The following HERC2 variants were observed in gnomAD, a reference collection of about 807,000 sequenced individuals.
HERC2 encodes E3 ubiquitin-protein ligase HERC2.
A neutral mutation model predicts 537.7 loss-of-function variants in HERC2; 102 were observed. The observed-to-expected ratio is 0.19, with a 90% CI of 0.16 to 0.22. HERC2 has a LOEUF of 0.22. Ranked by LOEUF, HERC2 falls within the 10% of genes least tolerant of loss-of-function variation. The pLI, the probability that HERC2 is intolerant of heterozygous loss-of-function variation, is 1.00. For synonymous variants in HERC2, 2,224 were observed against 2,466.2 expected (o/e 0.90, Z 2.91); for missense variants, 4,236 against 6,198.2 (o/e 0.68, Z 10.63).
At chr15:28,251,424 C>T (rs1173947791) in intron 20 of HERC2, among the ~76,000 whole-genome samples, 1 of 149,076 alleles carries the variant, frequency 6.7e-6, no homozygotes, top group African/African-American at 2.5e-5. Flanking sequence ...GTCTGGGCAA[C>T]AGAGTGAGGC....
Position 28,265,789 on chromosome 15 carries a change from T to A in HERC2, c.1756+28A>T. On this transcript the variant is annotated intron_variant, in intron 13 of 92. Coordinates refer to ENST00000261609, the MANE Select transcript of HERC2 (RefSeq NM_004667.6). The surrounding 1 kb of genome is among the most constrained non-coding windows in gnomAD (Gnocchi z 4.0). The stretch of plus-strand genomic sequence containing the variant: ...CTGTAAGAGGCCACCTCCTGCTGCA[T>A]GCTCCCACTCATGCAGAGCAGACGT... 2 of 1,614,150 alleles carry A rather than the reference T, an allele frequency of 1.2e-6. No homozygotes were observed. The highest frequency in any genetic ancestry group is 1.7e-6 in the Non-Finnish European group (2 of 1,179,998).
At chr15:28,232,462 T>C (rs1280477577) in intron 30 of HERC2, among the ~76,000 whole-genome samples, 1 of 151,364 alleles carries the variant, frequency 6.6e-6, no homozygotes, top group Non-Finnish European at 1.5e-5. Flanking sequence ...GGCAGGGGAA[T>C]CGTTTGAACC....
In HERC2 at chr15:28,192,150, A is replaced by G. The variant is rs769824672; in HGVS notation, c.8262T>C (p.Gly2754=). 6.2e-7 allele frequency: 1 copy of G among 1,609,622 alleles called. No homozygotes were observed. ...RHTFGRINEP[G]QSAVFCGRSG... ...AACGGCCACAAAATACCGCAGACTG[A>G]CCTATTTCGTGATAGTCAAAAAGAG... Residue 2754 remains glycine (G), a splice_region_variant and synonymous_variant, in exon 53 of 93, where the codon GGT becomes GGC. Coordinates refer to ENST00000261609, the MANE Select transcript of HERC2 (RefSeq NM_004667.6).
rs758266870 is a variant in HERC2 at position 28,144,808 on chromosome 15, C to G, written c.11009-4G>C. ...GACCAGTCGGACCACTCTCGGCCTG[C>G]GGGAGGAAAGCGCACCCCGGGGTTA... is the stretch of plus-strand genomic sequence containing the variant. On this transcript the variant is annotated splice_region_variant and splice_polypyrimidine_tract_variant and intron_variant, in intron 71 of 92. Coordinates refer to ENST00000261609, the MANE Select transcript of HERC2 (RefSeq NM_004667.6). The G allele has an allele frequency of 6.2e-7, 1 of 1,614,094 alleles. No individual in the cohort carries two copies. Among genetic ancestry groups the G allele is most frequent in the South Asian group, 1.1e-5 (1 of 91,078 alleles).
chr15:28,232,970 T>G (rs1902037138), intron 30 of HERC2, among the ~76,000 whole-genome samples, 176 bp downstream of exon 30: 1 of 152,248 alleles, frequency 6.6e-6, no homozygotes, highest in East Asian at 1.9e-4. Context: ...GTCTGATTAC[T>G]TGGAAAAACA....
At chr15:28,194,819 A>G (rs999587694) in intron 52 of HERC2, among the ~76,000 whole-genome samples, 3 of 151,946 alleles carry the variant, frequency 2.0e-5, no homozygotes, top group Non-Finnish European at 4.4e-5. Context: ...ACTTTGGGAG[A>G]CTGAGGTGGG....
chr15:28,311,074 C>A, intron 2 of HERC2, among the ~76,000 whole-genome samples: 1 of 13,778 alleles, frequency 7.3e-5, no homozygotes. Context: ...GGGACTGCAT[C>A]TCAAAAAAAA....
chr15:28,218,346 T>G, intron 38 of HERC2, 143 bp downstream of exon 38: 2 of 734,204 alleles, frequency 2.7e-6, no homozygotes, highest in South Asian at 3.3e-5. Flanking sequence ...TTCTACTGTG[T>G]AAGCCCCCAA....
chr15:28,111,865 A>G lies in HERC2; in HGVS notation c.14403T>C (p.Leu4801=). 1.9e-6 allele frequency: 3 copies of G among 1,614,184 alleles called. No homozygotes were observed. Among genetic ancestry groups the G allele is most frequent in the Non-Finnish European group, 2.5e-6 (3 of 1,180,028 alleles). Reference sequence around the variant, plus strand: ...TGTCGTCGGCGGCTGGCTCTCCTGTAAGTGCGATGCGAGCGTAGTCATCTG... The same window carrying G: ...TGTCGTCGGCGGCTGGCTCTCCTGTGAGTGCGATGCGAGCGTAGTCATCTG... The part of the protein sequence containing the change: ...IDTDDYARIA[L]TGEPAADDSS... Residue 4801 remains leucine, a synonymous_variant, in exon 93 of 93, where the codon CTT becomes CTC. Transcript: ENST00000261609.
At chr15:28,275,465 C>T (rs74472794) in intron 5 of HERC2, among the ~76,000 whole-genome samples, 2 of 152,364 alleles carry the variant, frequency 1.3e-5, no homozygotes, top group East Asian at 1.9e-4. Flanking sequence ...TGAAGCCCTG[C>T]GTGCTTGACC....
At chr15:28,251,314 G>A (rs2075071176) in intron 20 of HERC2, among the ~76,000 whole-genome samples, 1 of 151,868 alleles carries the variant, frequency 6.6e-6, no homozygotes, top group South Asian at 2.1e-4. Context: ...ATGGTGGCAT[G>A]CACCTGTAGT....
chr15:28,192,702 C>G (rs1362146117), intron 52 of HERC2, among the ~76,000 whole-genome samples: 1 of 152,192 alleles, frequency 6.6e-6, no homozygotes, highest in African/African-American at 2.4e-5. Flanking sequence ...CAAGATGACG[C>G]ACACCACGGA....
chr15:28,138,088 G>C (rs1295674019), intron 78 of HERC2, among the ~76,000 whole-genome samples: 2 of 152,240 alleles, frequency 1.3e-5, no homozygotes, highest in Non-Finnish European at 2.9e-5. Flanking sequence ...GCTAACAGAG[G>C]TGAGAAGGCT....
intron 10 of HERC2, among the ~76,000 whole-genome samples, chr15:28,269,942 G>A (rs530772585): frequency 6.6e-6 from 1 of 152,330 alleles, no homozygotes; most frequent in South Asian, 2.1e-4. Context: ...AGGCCTTGCA[G>A]CACTATTTGT....
In HERC2 at chr15:28,229,199, C is replaced by T. The variant is rs1438643468; in HGVS notation, c.5268G>A (p.Glu1756=). 1.2e-6 allele frequency: 2 copies of T among 1,611,512 alleles called. No homozygotes were observed. The highest frequency in any genetic ancestry group is 2.2e-5 in the East Asian group (1 of 44,892). Residue 1756 remains glutamate (E), a synonymous_variant, in exon 34 of 93, where the codon GAG becomes GAA. Coordinates refer to ENST00000261609, the MANE Select transcript of HERC2 (RefSeq NM_004667.6). ...VLMDASAKFK[E]LGIQPVPLQT... ...TTGATACAATTATTGACTCACCAAGCTCTTTAAATTTGGCACTGGCATCCA... is the reference window on the plus strand; with the variant it reads ...TTGATACAATTATTGACTCACCAAGTTCTTTAAATTTGGCACTGGCATCCA...
intron 44 of HERC2, among the ~76,000 whole-genome samples, chr15:28,206,649 C>A (rs530100928): frequency 6.6e-6 from 1 of 151,368 alleles, no homozygotes; most frequent in East Asian, 1.9e-4. Context: ...CTGGGTAACA[C>A]GGTGAAACCC....
intron 44 of HERC2, among the ~76,000 whole-genome samples, chr15:28,206,798 A>C (rs1898506251): frequency 7.5e-6 from 1 of 132,836 alleles, no homozygotes; most frequent in Non-Finnish European, 1.5e-5. Context: ...GTGCCACTGC[A>C]CTCCAGCCTG....
chr15:28,117,538 C>T (rs1354453947), intron 86 of HERC2: 6 of 517,090 alleles, frequency 1.2e-5, no homozygotes, highest in Non-Finnish European at 2.2e-5. Context: ...CTTGCCACGA[C>T]CTCATGAAAT....
At chr15:28,117,294 A>G (rs1479279454) in intron 86 of HERC2, 140 bp from the exon 87 acceptor site, 4 of 882,148 alleles carry the variant, frequency 4.5e-6, no homozygotes, top group Non-Finnish European at 7.3e-6. Flanking sequence ...GCTTGTGTGG[A>G]CGCCAGGCAG....
Sources: gnomAD v4.1 joint callset for allele counts (sites outside exome capture counted in the v4.1 genomes callset) on GRCh38, gnomAD v4.1.1 for gene constraint, Gnocchi (gnomAD v3.1) non-coding constraint, MANE v1.5 for transcripts, NCBI Gene and HGNC (gene_info 2026-07-23, HGNC 2026-07-21) for gene names.